The following DIP2A variants were observed in gnomAD, a reference collection of about 807,000 sequenced individuals.
DIP2A encodes the protein DIP2 acetate--CoA ligase A.
In DIP2A, 85 loss-of-function variants were observed where a neutral mutation model predicts 177.4. The observed-to-expected ratio is 0.48, with a 90% confidence interval of 0.40 to 0.57. DIP2A has a LOEUF of 0.57. Among genes scored for constraint, DIP2A ranks in the 20% least tolerant of loss-of-function variants. The pLI is 0.00. For missense variants in DIP2A, 1,791 were observed against 2,100.2 expected (o/e 0.85, Z 2.88); for synonymous variants, 886 against 881.8 (o/e 1.00, Z -0.08).
chr21:46,529,486 A>G (rs1294327993), intron 9 of DIP2A, among the ~76,000 whole-genome samples: 1 of 152,044 alleles, frequency 6.6e-6, no homozygotes, highest in Non-Finnish European at 1.5e-5. Flanking sequence ...CTGTAATGCC[A>G]GCTACCCGGG....
intron 8 of DIP2A, among the ~76,000 whole-genome samples, chr21:46,522,511 TC>T (rs2058865816): frequency 6.6e-6 from 1 of 152,088 alleles, no homozygotes; most frequent in Non-Finnish European, 1.5e-5. Flanking sequence ...AATCAGCCCA[TC>T]CCCCATGGGA....
chr21:46,472,345 G>T (rs2055462233), intron 1 of DIP2A, among the ~76,000 whole-genome samples: 1 of 152,194 alleles, frequency 6.6e-6, no homozygotes, highest in African/African-American at 2.4e-5. Context: ...TTCTGTTACG[G>T]CAGCCTGAAC....
intron 34 of DIP2A, among the ~76,000 whole-genome samples, chr21:46,562,533 C>A (rs2148912599): frequency 6.6e-6 from 1 of 152,272 alleles, no homozygotes; most frequent in Non-Finnish European, 1.5e-5. Flanking sequence ...CAGAGAGGGA[C>A]CCAGCCAAGC....
At chr21:46,550,011 A>G (rs1046737075) in intron 22 of DIP2A, 126 bp downstream of exon 22, 2 of 1,510,016 alleles carry the variant, frequency 1.3e-6, no homozygotes, top group East Asian at 2.3e-5. Context: ...GTTTATCTGT[A>G]TTTTTCATTG....
intron 32 of DIP2A, chr21:46,558,682 A>G: frequency 2.3e-6 from 1 of 428,812 alleles, no homozygotes; most frequent in South Asian, 2.5e-5. Context: ...AAGTTCTTAA[A>G]GCAAGATTGA....
intron 6 of DIP2A, among the ~76,000 whole-genome samples, chr21:46,507,239 A>AT (rs899418744): frequency 2.6e-5 from 4 of 152,098 alleles, no homozygotes; most frequent in African/African-American, 7.2e-5. Flanking sequence ...AGTTTACCAA[A>AT]TTTTTTTATA....
chr21:46,529,267 A>G lies in DIP2A; in HGVS notation c.1194+84A>G, dbSNP rs996186883. 2.5e-5 allele frequency: 22 copies of G among 892,188 alleles called. No homozygotes were observed. The African/African-American group carries it at 3.5e-4, about 14-fold the overall frequency. 55.3% of individuals were successfully genotyped at this position (892,188 alleles called of 1,614,324 possible). On this transcript the variant is annotated intron_variant, in intron 9 of 37. Coordinates refer to ENST00000417564, the MANE Select transcript of DIP2A (RefSeq NM_015151.4). ...GTTTCATTGAAATTAGTGTTCTATC[A>G]TTTAGTTAGAATTACAGCATTAATA...
chr21:46,468,621 G>A (rs541982937), intron 1 of DIP2A, among the ~76,000 whole-genome samples: 2 of 152,262 alleles, frequency 1.3e-5, no homozygotes, highest in South Asian at 4.1e-4. Context: ...GAGAGCTGCT[G>A]TACAGCATAG....
chr21:46,536,706 C>T (rs960194984), intron 13 of DIP2A, among the ~76,000 whole-genome samples: 1 of 152,108 alleles, frequency 6.6e-6, no homozygotes, highest in East Asian at 1.9e-4. Context: ...GAGTTTGAGA[C>T]CAGCCTGGCC....
chr21:46,504,962 G>A (rs959997313), intron 6 of DIP2A, among the ~76,000 whole-genome samples: 5 of 152,198 alleles, frequency 3.3e-5, no homozygotes, highest in African/African-American at 1.2e-4. Flanking sequence ...GCTCAGAGAT[G>A]TCAGTGTAAC....
chr21:46,503,300 GCAGTGATAAAGTGAGACTCCATCT>G (rs1186129531), intron 5 of DIP2A, among the ~76,000 whole-genome samples: 1 of 148,806 alleles, frequency 6.7e-6, no homozygotes, highest in Non-Finnish European at 1.5e-5. Context: ...TCCAGTCTGG[GCAGTGATAAAGTGAGACTCCATCT>G]CAAAAAAAAA....
intron 25 of DIP2A, among the ~76,000 whole-genome samples, chr21:46,552,676 T>G (rs147885510): frequency 1.5e-3 from 224 of 152,328 alleles, no homozygotes; most frequent in Non-Finnish European, 1.6e-3. Flanking sequence ...ATGTGCACAG[T>G]GCACAGTAAT....
intron 36 of DIP2A, 31 bp downstream of exon 36, chr21:46,565,918 T>C (rs758081433): frequency 1.2e-6 from 2 of 1,611,942 alleles, no homozygotes; most frequent in South Asian, 1.1e-5. Context: ...CCTGCGTGAG[T>C]GCTGTGCGGG....
chr21:46,498,509 A>G lies in DIP2A; in HGVS notation c.404-73A>G. 6.6e-7 allele frequency: 1 copy of G among 1,526,634 alleles called. No individual in the cohort carries two copies. Among genetic ancestry groups the G allele is most frequent in the Non-Finnish European group, 8.9e-7 (1 of 1,129,102 alleles). 94.6% of individuals were successfully genotyped at this position (1,526,634 alleles called of 1,614,324 possible). On this transcript the variant is annotated intron_variant, in intron 4 of 37. Coordinates refer to ENST00000417564, the MANE Select transcript of DIP2A (RefSeq NM_015151.4). This position sits in a 1 kb window ranked among gnomAD's most constrained non-coding sequence, Gnocchi z 4.3. The stretch of plus-strand genomic sequence containing the variant: ...GCTGCACACAGGTCTGGGAGGCTCC[A>G]GTGTGAGTGGGAACTCCGTCCTCCT...
At position 46,554,222 on chromosome 21, in the gene DIP2A, A is replaced by G; in HGVS notation, c.3084A>G (p.Arg1028=). 6.2e-7 allele frequency: 1 copy of G among 1,613,904 alleles called. No individual in the cohort carries two copies. The highest frequency in any genetic ancestry group is 8.5e-7 in the Non-Finnish European group (1 of 1,179,840). ...TCCAGCTGCACAAAAGGGCTGAGAGAGTGGCCGCGGCTCTGATGGAGAAGG... is the reference window on the plus strand; with the variant it reads ...TCCAGCTGCACAAAAGGGCTGAGAGGGTGGCCGCGGCTCTGATGGAGAAGG... ...TCVQLHKRAE[R]VAAALMEKGR... The change falls in exon 26 of 38, where the codon AGA becomes AGG. Residue 1028 remains arginine, a synonymous_variant. Transcript: ENST00000417564.
At chr21:46,547,532 C>G (rs1293483913) in intron 21 of DIP2A, among the ~76,000 whole-genome samples, 1 of 152,114 alleles carries the variant, frequency 6.6e-6, no homozygotes, top group Non-Finnish European at 1.5e-5. Flanking sequence ...CCCCTGGGCA[C>G]AGGGGCCAGG....
intron 5 of DIP2A, among the ~76,000 whole-genome samples, chr21:46,499,577 TC>T (rs1386045100): frequency 6.6e-6 from 1 of 152,228 alleles, no homozygotes. Context: ...TCAGAGCTAA[TC>T]ATATGATGCA....
At chr21:46,536,220 G>A (rs1009129560) in intron 13 of DIP2A, among the ~76,000 whole-genome samples, 5 of 152,210 alleles carry the variant, frequency 3.3e-5, no homozygotes, top group African/African-American at 7.2e-5. Flanking sequence ...TTGGAGTGCT[G>A]TGGCCTTTGG....
At chr21:46,481,606 T>C (rs1339506757) in intron 1 of DIP2A, among the ~76,000 whole-genome samples, 1 of 152,254 alleles carries the variant, frequency 6.6e-6, no homozygotes, top group Admixed American at 6.5e-5. Context: ...CTTCACAGTC[T>C]TTGTCAGCAC....
Sources: allele counts gnomAD v4.1 joint callset (sites outside exome capture counted in the v4.1 genomes callset), GRCh38; gene constraint gnomAD v4.1.1; non-coding constraint Gnocchi (gnomAD v3.1); transcripts MANE v1.5; gene names NCBI Gene and HGNC (gene_info 2026-07-23, HGNC 2026-07-21).